Variants in PCDHA7 observed in about 807,000 individuals in gnomAD.
PCDHA7 encodes protocadherin alpha 7, also known as protocadherin alpha-7.
A neutral mutation model predicts 57.2 loss-of-function variants in PCDHA7; 37 were observed. The observed-to-expected ratio is 0.65, with a 90% CI of 0.50 to 0.85. The LOEUF (loss-of-function observed/expected upper bound fraction) is 0.85, where lower values mean the gene tolerates loss of function less well. PCDHA7 is among the 40% of genes least tolerant of loss of function. The pLI is 0.00. For missense variants in PCDHA7, 1,188 were observed against 1,241.8 expected, an observed-to-expected ratio of 0.96 and a Z score of 0.65; for synonymous variants, 553 against 558.8, an observed-to-expected ratio of 0.99 and a Z score of 0.15.
chr5:140,857,133 C>T, intron 1 of PCDHA7: 3 of 1,598,212 alleles, frequency 1.9e-6, no homozygotes, highest in South Asian at 1.1e-5. Flanking sequence ...AAAGAAGATG[C>T]TCAAGTGGGC....
rs183413454 is a variant in PCDHA7 at position 140,846,304 on chromosome 5, C to A, written c.2355+9566C>A. Among the ~76,000 whole-genome samples, 113 of 148,752 alleles carry A rather than the reference C, an allele frequency of 7.6e-4. 8 individuals are homozygous for A. Among genetic ancestry groups the A allele is most frequent in the African/African-American group, 2.6e-3 (105 of 40,780 alleles). On this transcript the variant is annotated intron_variant, in intron 1 of 3. Transcript: ENST00000525929. Reference sequence around the variant, plus strand: ...GTTGTAGTTCTATGAATTAAGTAAACCATTTATGTAGAGTGTTGTAAATAG... The same window carrying A: ...GTTGTAGTTCTATGAATTAAGTAAAACATTTATGTAGAGTGTTGTAAATAG...
At chr5:140,956,788 G>T (rs2095310590) in intron 1 of PCDHA7, among the ~76,000 whole-genome samples, 1 of 152,094 alleles carries the variant, frequency 6.6e-6, no homozygotes, top group African/African-American at 2.4e-5. Flanking sequence ...GGCTTTGTTT[G>T]CTTGGTGGGC....
rs2150444436 is a variant in PCDHA7, at chr5:140,849,672, G to T, written c.2355+12934G>T. On this transcript the variant is annotated intron_variant, in intron 1 of 3. Coordinates refer to ENST00000525929, the MANE Select transcript of PCDHA7 (RefSeq NM_018910.3). The stretch of plus-strand genomic sequence containing the variant: ...GGTTACCTGCTCCCTGACGCCCCAC[G>T]TCCCCTTCAAGCTGGTGTCCACCTA... 151 of 1,598,650 alleles carry T rather than the reference G, an allele frequency of 9.4e-5. 5 individuals carry two copies. The South Asian group carries it at 1.5e-3, about 16-fold the overall frequency.
intron 1 of PCDHA7, chr5:140,876,794 T>G: frequency 6.2e-7 from 1 of 1,614,056 alleles, no homozygotes; most frequent in Non-Finnish European, 8.5e-7. Flanking sequence ...ACGGCTAGAG[T>G]GTCCGTGGAG....
rs1774093579 is a variant in PCDHA7, at chr5:140,835,979, G to T, written c.1596G>T (p.Gln532His). The T allele has an allele frequency of 1.2e-6, 2 of 1,613,412 alleles. No individual in the cohort carries two copies. The highest frequency in any genetic ancestry group is 4.5e-5 in the East Asian group (2 of 44,856). The change falls in exon 1 of 4, where the codon CAG becomes CAT. Residue 532 changes from glutamine (Q) to histidine (H), a missense_variant. Gln to His is a conservative substitution (Grantham distance 24). Around this residue, in one of 3 missense-constraint regions of PCDHA7, gnomAD observed 892 missense variants for 788.5 expected, o/e 1.13. Coordinates refer to ENST00000525929, the MANE Select transcript of PCDHA7 (RefSeq NM_018910.3). ...ACCACGAGGAGCTGGAGCTGTTGCA[G>T]TTCCAGGTGAGCGCGCGCGATGCGG... Reference protein sequence around the residue: ...PLDHEELELLQFQVSARDAGV... With the variant: ...PLDHEELELLHFQVSARDAGV...
chr5:140,877,818 T>C (rs1207543793), intron 1 of PCDHA7: 1 of 1,608,890 alleles, frequency 6.2e-7, no homozygotes, highest in Non-Finnish European at 8.5e-7. Flanking sequence ...CTCGAGAAGA[T>C]TGTTTAAATC....
rs183812467 is a variant in PCDHA7, at chr5:140,921,187, A to G, written c.2356-57762A>G. Among the ~76,000 whole-genome samples the G allele has an allele frequency of 1.1e-3, 174 of 152,102 alleles. 2 individuals carry two copies. Among genetic ancestry groups the G allele is most frequent in the Non-Finnish European group, 2.1e-4 (14 of 68,012 alleles). ...AACACACATAAAGCACAGTTTTTTC[A>G]CAATAGATTGACAACGATAATTCAC... On this transcript the variant is annotated intron_variant, in intron 1 of 3. Transcript: ENST00000525929.
At chr5:140,935,486 A>C (rs1554210536) in intron 1 of PCDHA7, among the ~76,000 whole-genome samples, 1 of 152,228 alleles carries the variant, frequency 6.6e-6, no homozygotes, top group East Asian at 1.9e-4. Context: ...CTTTTCATTT[A>C]TAAGGCACAT....
intron 1 of PCDHA7, chr5:140,851,860 A>T (rs1213709274): frequency 2.1e-6 from 2 of 974,300 alleles, no homozygotes; most frequent in African/African-American, 3.5e-5. Context: ...CTCAGCTCAT[A>T]CATAACACAA....
intron 3 of PCDHA7, among the ~76,000 whole-genome samples, chr5:140,991,746 T>C (rs74524919): frequency 0.01 from 1,537 of 152,318 alleles, 24 homozygotes; most frequent in African/African-American, 0.035. Flanking sequence ...GTAGGCTCTT[T>C]CTATCATGCT....
intron 3 of PCDHA7, among the ~76,000 whole-genome samples, chr5:140,989,980 C>T (rs1172154204): frequency 6.6e-6 from 1 of 152,012 alleles, no homozygotes; most frequent in South Asian, 2.1e-4. Context: ...AGCAACAGCC[C>T]TGCCTGAAAT....
intron 1 of PCDHA7, among the ~76,000 whole-genome samples, chr5:140,961,425 T>G (rs2095610907): frequency 6.6e-6 from 1 of 152,226 alleles, no homozygotes; most frequent in Admixed American, 6.5e-5. Context: ...TTTAAACAAT[T>G]ACAAAATCAC....
Position 140,846,597 on chromosome 5 carries a change from A to C in PCDHA7, c.2355+9859A>C, listed in dbSNP as rs2150392674. 8.1e-5 allele frequency among the ~76,000 whole-genome samples: 12 copies of C among 148,550 alleles called. 1 individual carries two copies. The East Asian group carries it at 2.3e-3, about 29-fold the overall frequency. On this transcript the variant is annotated intron_variant, in intron 1 of 3. Coordinates refer to ENST00000525929, the MANE Select transcript of PCDHA7 (RefSeq NM_018910.3). ...CACCATGTTAGCCAGGATGGTCTCG[A>C]TCTCCTGACCTCCTGATCCGCCCAC...
rs2150265891 is a variant in PCDHA7, at chr5:140,836,620, G to C, written c.2237G>C (p.Gly746Ala). The stretch of plus-strand genomic sequence containing the variant: ...ACTCTGGTGTGCTCCAGCGCGGTGG[G>C]GAGCTGGTCATTCTCCCAGCAGAGG... ...KPTLVCSSAV[G>A]SWSFSQQRRQ... is the part of the protein sequence containing the mutation. The change falls in exon 1 of 4, where the codon GGG becomes GCG. Residue 746 changes from glycine to alanine, a missense_variant. Physicochemically the swap from Gly to Ala is moderately conservative, Grantham distance 60. This residue lies in a region of PCDHA7 where 892 missense variants were observed against 788.5 expected (regional missense o/e 1.13). Transcript: ENST00000525929. 4 of 1,613,468 alleles carry C rather than the reference G, an allele frequency of 2.5e-6. No individual in the cohort carries two copies. Among genetic ancestry groups the C allele is most frequent in the Non-Finnish European group, 3.4e-6 (4 of 1,179,730 alleles).
intron 1 of PCDHA7, chr5:140,859,925 A>T (rs1359267858): frequency 1.3e-5 from 2 of 152,068 alleles, no homozygotes; most frequent in African/African-American, 4.8e-5. Context: ...TAAGTAATAT[A>T]AAAAACTTAG....
At chr5:140,870,909 C>T (rs2052531275) in intron 1 of PCDHA7, 1 of 1,613,956 alleles carries the variant, frequency 6.2e-7, no homozygotes, top group East Asian at 2.2e-5. Flanking sequence ...ACTCAGGCTA[C>T]AACGCGTGGC....
intron 1 of PCDHA7, chr5:140,928,909 C>T (rs1364728842): frequency 1.6e-5 from 26 of 1,614,034 alleles, no homozygotes; most frequent in Non-Finnish European, 2.1e-5. Flanking sequence ...TGTCTGGGAA[C>T]CAGGAGGGCA....
chr5:140,938,124 A>G (rs2091929948), intron 1 of PCDHA7, among the ~76,000 whole-genome samples: 1 of 152,076 alleles, frequency 6.6e-6, no homozygotes, highest in South Asian at 2.1e-4. Flanking sequence ...TTTTTTTAAA[A>G]AAATAGAGAT....
At chr5:140,919,716 A>G (rs1166757941) in intron 1 of PCDHA7, among the ~76,000 whole-genome samples, 1 of 152,214 alleles carries the variant, frequency 6.6e-6, no homozygotes, top group East Asian at 1.9e-4. Flanking sequence ...CTAGTGAGAT[A>G]TAAATATGTT....
Sources: allele counts gnomAD v4.1 joint callset (sites outside exome capture counted in the v4.1 genomes callset), GRCh38; gene constraint gnomAD v4.1.1; regional missense constraint gnomAD v4.1.1; transcripts MANE v1.5; gene names NCBI Gene and HGNC (gene_info 2026-07-23, HGNC 2026-07-21).